Variants in NECAP2 observed in about 807,000 individuals in gnomAD.
NECAP2 encodes the protein NECAP endocytosis associated 2.
NECAP2 carries 38 observed loss-of-function variants against 37.8 expected under a neutral mutation model. The ratio of observed to expected loss-of-function variants is 1.01; its 90% CI spans 0.78 to 1.32. NECAP2 has a LOEUF of 1.32. Among genes scored for constraint, NECAP2 ranks in the 40% most tolerant of loss-of-function variants. The probability of loss-of-function intolerance (pLI) is 0.00; values close to 1 mark genes in which losing one functional copy is unlikely to be tolerated. For missense variants in NECAP2, 316 were observed against 334.5 expected (o/e 0.94, Z 0.43); for synonymous variants, 121 against 127.7 (o/e 0.95, Z 0.35).
chr1:16,445,718 A>G (rs1300041739), intron 2 of NECAP2, among the ~76,000 whole-genome samples: 2 of 152,312 alleles, frequency 1.3e-5, no homozygotes, highest in East Asian at 3.9e-4. Context: ...AGCCTGGGCA[A>G]TATGGCAAAA....
Position 16,456,466 on chromosome 1 carries a change from C to A in NECAP2, c.743+573C>A, listed in dbSNP as rs538796207. Among the ~76,000 whole-genome samples the A allele has an allele frequency of 7.2e-5, 11 of 152,318 alleles. No homozygotes were observed. In the South Asian group the frequency reaches 2.1e-3, roughly 29 times the overall value. Reference sequence around the variant, plus strand: ...CCCTTTGCAAATCTGGGCCTTTAAACCGCCTTCCCAAGTGCTTTGGCTTGT... The same window carrying A: ...CCCTTTGCAAATCTGGGCCTTTAAAACGCCTTCCCAAGTGCTTTGGCTTGT... On this transcript the variant is annotated intron_variant, in intron 7 of 7. Transcript: ENST00000337132.
At chr1:16,450,191 T>C in intron 5 of NECAP2, 1 of 455,188 alleles carries the variant, frequency 2.2e-6, no homozygotes, top group South Asian at 1.6e-5. Context: ...ATGTGATTCT[T>C]TCTCTCGCTT....
intron 6 of NECAP2, among the ~76,000 whole-genome samples, chr1:16,453,723 G>A (rs1427977932): frequency 3.3e-5 from 5 of 151,968 alleles, no homozygotes; most frequent in East Asian, 1.9e-4. Flanking sequence ...TCCTGACCTC[G>A]TGATCTGCCC....
intron 5 of NECAP2, chr1:16,449,845 C>A (rs781000669): frequency 1.5e-5 from 3 of 199,906 alleles, no homozygotes; most frequent in Non-Finnish European, 3.1e-5. Flanking sequence ...CCCGTCAGCT[C>A]CTGTTCATAG....
intron 7 of NECAP2, among the ~76,000 whole-genome samples, chr1:16,457,629 C>T (rs2086940018): frequency 6.6e-6 from 1 of 150,548 alleles, no homozygotes; most frequent in East Asian, 1.9e-4. Context: ...AGTATATCAG[C>T]TTTGGAACAA....
intron 5 of NECAP2, chr1:16,450,253 T>TTTTTTG (rs1553169494): frequency 5.6e-5 from 22 of 394,170 alleles, no homozygotes; most frequent in South Asian, 3.8e-4. Flanking sequence ...TAGTGGTTTT[T>TTTTTTG]TTTTGTTTTG....
chr1:16,457,870 C>T (rs879774526), intron 7 of NECAP2, among the ~76,000 whole-genome samples: 35 of 151,926 alleles, frequency 2.3e-4, no homozygotes, highest in East Asian at 7.8e-4. Context: ...CCACCACACC[C>T]GGCTAATTTT....
At chr1:16,441,220 C>T (rs2086685966) in intron 1 of NECAP2, 1 of 213,902 alleles carries the variant, frequency 4.7e-6, no homozygotes, top group African/African-American at 2.3e-5. Context: ...GGGAGGTGCC[C>T]TATCACAGAC....
At chr1:16,445,930 G>A (rs1232339631) in intron 2 of NECAP2, among the ~76,000 whole-genome samples, 4 of 151,722 alleles carry the variant, frequency 2.6e-5, no homozygotes, top group Admixed American at 6.6e-5. Context: ...AAAAAAGGCC[G>A]GGCACGGTGG....
Position 16,443,657 on chromosome 1 carries a change from C to A in NECAP2, c.118C>A (p.Pro40Thr). Reference sequence around the variant, plus strand: ...GGCTGCGGAGTGGCAGCTGGACCAGCCATCATGGAGTGGCCGGCTGAGGAT... The same window carrying A: ...GGCTGCGGAGTGGCAGCTGGACCAGACATCATGGAGTGGCCGGCTGAGGAT... Reference protein sequence around the residue: ...YRAAEWQLDQPSWSGRLRITA... With the variant: ...YRAAEWQLDQTSWSGRLRITA... Residue 40 changes from proline (P) to threonine (T), a missense_variant, in exon 2 of 8, where the codon CCA (proline) becomes ACA (threonine). Physicochemically the swap from Pro to Thr is conservative, Grantham distance 38. Transcript: ENST00000337132. 6.2e-7 allele frequency: 1 copy of A among 1,612,206 alleles called. No individual in the cohort carries two copies. Among genetic ancestry groups the A allele is most frequent in the Non-Finnish European group, 8.5e-7 (1 of 1,179,658 alleles).
At chr1:16,451,546 A>G (rs1295826660) in intron 5 of NECAP2, 12 of 407,788 alleles carry the variant, frequency 2.9e-5, no homozygotes, top group South Asian at 3.5e-5. Context: ...TTGATAATCT[A>G]CATTTTAGCC....
chr1:16,450,253 T>TG lies in NECAP2; in HGVS notation c.489+1052_489+1053insG, dbSNP rs551254615. Reference sequence around the variant, plus strand: ...CAGCTGAGGGCCAGGTAGTGGTTTTTTTTTGTTTTGTTTTGTTTTTTGTTT... The same window carrying TG: ...CAGCTGAGGGCCAGGTAGTGGTTTTTGTTTTGTTTTGTTTTGTTTTTTGTTT... On this transcript the variant is annotated intron_variant, in intron 5 of 7. Transcript: ENST00000337132. 1,101 of 394,264 alleles carry TG rather than the reference T, an allele frequency of 2.8e-3. 25 individuals are homozygous for TG. The highest frequency in any genetic ancestry group is 0.017 in the South Asian group (942 of 55,074). The allele number at this position is 394,264 out of a possible 1,614,324, so 24.4% of individuals were successfully genotyped here.
chr1:16,443,747 G>A lies in NECAP2; in HGVS notation c.193+15G>A, dbSNP rs776802638. On this transcript the variant is annotated intron_variant, in intron 2 of 7. Transcript: ENST00000337132. Reference sequence around the variant, plus strand: ...CAGGACGTCAGGTAACCGGAAGGGAGGCTGCATCAAGCTGAGGGGCCGCAC... The same window carrying A: ...CAGGACGTCAGGTAACCGGAAGGGAAGCTGCATCAAGCTGAGGGGCCGCAC... The A allele has an allele frequency of 1.9e-6, 3 of 1,601,958 alleles. No homozygotes were observed. The highest frequency in any genetic ancestry group is 2.2e-5 in the East Asian group (1 of 44,728).
intron 7 of NECAP2, among the ~76,000 whole-genome samples, chr1:16,457,707 GTTTT>G (rs56863489): frequency 9.5e-6 from 1 of 105,494 alleles, no homozygotes; most frequent in Admixed American, 1.0e-4. Context: ...TAGTAATTCT[GTTTT>G]TTTTTTTTTT....
Position 16,452,806 on chromosome 1 carries a change from C to T in NECAP2, c.667+791C>T, listed in dbSNP as rs1203889430. Among the ~76,000 whole-genome samples the T allele has an allele frequency of 2.7e-5, 4 of 148,156 alleles. No individual in the cohort carries two copies. The East Asian group carries it at 8.7e-4, about 32-fold the overall frequency. ...CCGCCCCGCCCAGCCCAGCTTGATG[C>T]TCCTGGCCTTCCCCAGGCTGGGCGA... On this transcript the variant is annotated intron_variant, in intron 6 of 7. Transcript: ENST00000337132.
At chr1:16,454,664 T>C (rs2086892997) in intron 6 of NECAP2, among the ~76,000 whole-genome samples, 1 of 152,230 alleles carries the variant, frequency 6.6e-6, no homozygotes, top group Non-Finnish European at 1.5e-5. Flanking sequence ...CCCAGTTTTG[T>C]GATCTTTAGA....
chr1:16,451,810 C>A (rs771164955), intron 5 of NECAP2, 28 bp from the exon 6 acceptor site: 141 of 1,613,504 alleles, frequency 8.7e-5, no homozygotes, highest in Non-Finnish European at 1.2e-4. Context: ...GCAGAACGGG[C>A]TGATTTGCAT....
At chr1:16,458,642 C>T (rs2086964324) in intron 7 of NECAP2, among the ~76,000 whole-genome samples, 200 bp from the exon 8 acceptor site, 1 of 151,306 alleles carries the variant, frequency 6.6e-6, no homozygotes, top group Admixed American at 6.6e-5. Context: ...TTGGTAAATA[C>T]AGTTACATTA....
chr1:16,448,993 C>A, intron 4 of NECAP2, 100 bp from the exon 5 acceptor site: 2 of 751,734 alleles, frequency 2.7e-6, no homozygotes, highest in South Asian at 3.5e-5. Flanking sequence ...CACTACGAGG[C>A]TCAGCCTGGA....
Sources: gnomAD v4.1 joint callset for allele counts (sites outside exome capture counted in the v4.1 genomes callset) on GRCh38, gnomAD v4.1.1 for gene constraint, MANE v1.5 for transcripts, NCBI Gene and HGNC (gene_info 2026-07-23, HGNC 2026-07-21) for gene names.